The following PPM1L variants were observed in gnomAD, a reference collection of about 807,000 sequenced individuals.
The protein encoded by PPM1L is protein phosphatase 1L.
A neutral mutation model predicts 31.4 loss-of-function variants in PPM1L; 13 were observed. That is an observed-to-expected ratio of 0.41 (90% CI 0.27 to 0.66). PPM1L has a LOEUF of 0.66. Among genes scored for constraint, PPM1L ranks in the 30% least tolerant of loss-of-function variants. The probability of loss-of-function intolerance (pLI) is 0.29; values close to 1 mark genes in which losing one functional copy is unlikely to be tolerated. For synonymous variants in PPM1L, 184 were observed against 175.4 expected (o/e 1.05, Z -0.39); for missense variants, 326 against 453.7 (o/e 0.72, Z 2.56).
chr3:160,800,719 T>C (rs1712399131), intron 1 of PPM1L, among the ~76,000 whole-genome samples: 5 of 152,210 alleles, frequency 3.3e-5, no homozygotes, highest in Admixed American at 3.3e-4. Context: ...AGATGCTGTT[T>C]TATTTCTGCT....
intron 1 of PPM1L, among the ~76,000 whole-genome samples, chr3:160,901,152 G>A (rs995062018): frequency 6.6e-6 from 1 of 151,818 alleles, no homozygotes; most frequent in Non-Finnish European, 1.5e-5. Context: ...GCATGTCATC[G>A]GTATAAATCC....
rs138374106 is a variant in PPM1L, at chr3:161,078,370, T to C, written c.*9213T>C. 53 of 152,370 alleles carry C rather than the reference T, an allele frequency of 3.5e-4. No homozygotes were observed. The East Asian group carries it at 0.01, about 29-fold the overall frequency. The allele number at this position is 152,370 out of a possible 1,614,324, so 9.4% of individuals were successfully genotyped here. A position where few individuals can be genotyped will look rare whatever the true frequency, so the allele number is the denominator to read the frequency against. On this transcript the variant is annotated 3_prime_UTR_variant, in exon 4 of 4. Transcript: ENST00000498165. ...TCATGAAAATTTTTCCATCAGCATT[T>C]TCTTGCAACTTTAAAAATCACAAGG...
At position 161,070,729 on chromosome 3, in the gene PPM1L, A is replaced by G. The variant is rs376605116; in HGVS notation, c.*1572A>G. On this transcript the variant is annotated 3_prime_UTR_variant, in exon 4 of 4. Coordinates refer to ENST00000498165, the MANE Select transcript of PPM1L (RefSeq NM_139245.4). ...TTGTGGTTATAGCTTCCCATATGCC[A>G]CATTCACCGGCCACCTCCTCGCCGT... is the stretch of plus-strand genomic sequence containing the variant. 314 of 152,334 alleles carry G rather than the reference A, an allele frequency of 2.1e-3. 1 individual carries two copies. Among genetic ancestry groups the G allele is most frequent in the Non-Finnish European group, 3.9e-3 (267 of 68,108 alleles). The allele number at this position is 152,334 out of a possible 1,614,324, so 9.4% of individuals were successfully genotyped here. A position where few individuals can be genotyped will look rare whatever the true frequency, so the allele number is the denominator to read the frequency against.
Position 160,756,884 on chromosome 3 carries a change from T to C in PPM1L, c.399+177T>C, listed in dbSNP as rs1714824205. On this transcript the variant is annotated intron_variant, in intron 1 of 3. Transcript: ENST00000498165. This position sits in a 1 kb window ranked among gnomAD's most constrained non-coding sequence, Gnocchi z 6.2. ...CGGTGCCTGGCTGGACAAATGCGGCTCAAGTTGCCAAAAGCACTGCTGGAT... is the reference window on the plus strand; with the variant it reads ...CGGTGCCTGGCTGGACAAATGCGGCCCAAGTTGCCAAAAGCACTGCTGGAT... Among the ~76,000 whole-genome samples, 2 of 151,844 alleles carry C rather than the reference T, an allele frequency of 1.3e-5. No homozygotes were observed. The highest frequency in any genetic ancestry group is 2.1e-4 in the South Asian group (1 of 4,814).
intron 2 of PPM1L, among the ~76,000 whole-genome samples, chr3:161,021,853 A>T (rs1024172882): frequency 4.0e-5 from 6 of 151,830 alleles, no homozygotes; most frequent in Admixed American, 6.6e-5. Context: ...GGTTTTTTTT[A>T]TAGCATACTT....
chr3:160,921,789 T>C (rs1714414326), intron 1 of PPM1L, among the ~76,000 whole-genome samples: 1 of 152,204 alleles, frequency 6.6e-6, no homozygotes, highest in East Asian at 1.9e-4. Context: ...TTTCTAAACT[T>C]CTGAGGTATA....
intron 2 of PPM1L, among the ~76,000 whole-genome samples, chr3:161,034,671 A>G (rs553050658): frequency 2.8e-4 from 42 of 151,606 alleles, no homozygotes; most frequent in South Asian, 2.5e-3. Flanking sequence ...AGAGGGGACC[A>G]TCACACACTG....
intron 1 of PPM1L, among the ~76,000 whole-genome samples, chr3:160,850,290 T>G (rs1711500409): frequency 6.6e-6 from 1 of 152,180 alleles, no homozygotes; most frequent in Non-Finnish European, 1.5e-5. Flanking sequence ...ATTTGGACAG[T>G]GGGTTGTTGT....
intron 1 of PPM1L, among the ~76,000 whole-genome samples, chr3:160,836,339 AGAGAAAG>A (rs1713715145): frequency 6.6e-6 from 1 of 152,070 alleles, no homozygotes; most frequent in African/African-American, 2.4e-5. Flanking sequence ...AGAGAGAGAG[AGAGAAAG>A]AGAGAGAGAG....
chr3:160,892,338 A>G (rs1713181787), intron 1 of PPM1L, among the ~76,000 whole-genome samples: 1 of 152,034 alleles, frequency 6.6e-6, no homozygotes, highest in South Asian at 2.1e-4. Flanking sequence ...GCTGGGGGAG[A>G]TACCACACAT....
intron 2 of PPM1L, among the ~76,000 whole-genome samples, chr3:161,006,427 T>A (rs1325495186): frequency 2.0e-5 from 3 of 152,168 alleles, no homozygotes; most frequent in African/African-American, 7.2e-5. Context: ...TAAAGATCTG[T>A]TATACAACCA....
chr3:160,895,779 T>C (rs980627807), intron 1 of PPM1L, among the ~76,000 whole-genome samples: 1 of 152,214 alleles, frequency 6.6e-6, no homozygotes, highest in South Asian at 2.1e-4. Flanking sequence ...AAATGTTTTA[T>C]AAATTGAAAA....
At chr3:161,012,479 C>CT (rs1297409206) in intron 2 of PPM1L, among the ~76,000 whole-genome samples, 1 of 151,780 alleles carries the variant, frequency 6.6e-6, no homozygotes, top group African/African-American at 2.4e-5. Context: ...CTAAAATTCT[C>CT]TTTTTTGGTT....
chr3:160,927,801 T>C (rs1464158811), intron 1 of PPM1L, among the ~76,000 whole-genome samples: 1 of 152,160 alleles, frequency 6.6e-6, no homozygotes, highest in East Asian at 1.9e-4. Flanking sequence ...GGTCAGGCAG[T>C]TGCTATGTGG....
At chr3:160,778,993 T>C (rs1315097383) in intron 1 of PPM1L, among the ~76,000 whole-genome samples, 1 of 152,172 alleles carries the variant, frequency 6.6e-6, no homozygotes, top group African/African-American at 2.4e-5. Context: ...GTCTGTTTAC[T>C]GTAGGTTTTC....
In PPM1L at chr3:161,068,857, G is replaced by A. The variant is rs757148742; in HGVS notation, c.783G>A (p.Leu261=). ...GCTCCTGGAGGGTCCAGGGAATCCT[G>A]GCCATGTCTCGGTCCCTGGGGGATT... is the stretch of plus-strand genomic sequence containing the variant. ...FNGSWRVQGI[L]AMSRSLGDYP... Residue 261 remains leucine (L), a synonymous_variant, in exon 4 of 4, where the codon CTG becomes CTA. Transcript: ENST00000498165. 2 of 1,613,950 alleles carry A rather than the reference G, an allele frequency of 1.2e-6. No homozygotes were observed. The highest frequency in any genetic ancestry group is 2.7e-5 in the African/African-American group (2 of 74,900).
In PPM1L at chr3:161,000,420, C is replaced by G. The variant is rs142018066; in HGVS notation, c.574+38510C>G. Among the ~76,000 whole-genome samples the G allele has an allele frequency of 3.7e-4, 57 of 152,092 alleles. No homozygotes were observed. The East Asian group carries it at 0.01, about 27-fold the overall frequency. On this transcript the variant is annotated intron_variant, in intron 2 of 3. Transcript: ENST00000498165. The stretch of plus-strand genomic sequence containing the variant: ...AGAGAAGCATTCAGTGAGGAAGAAG[C>G]AATTCAAGAGCATGCATATATAAGA...
chr3:161,058,007 G>A (rs991668048), intron 2 of PPM1L, among the ~76,000 whole-genome samples: 3 of 151,622 alleles, frequency 2.0e-5, no homozygotes, highest in African/African-American at 7.3e-5. Context: ...AAAGGGGCCT[G>A]GAGGTTAATT....
intron 1 of PPM1L, among the ~76,000 whole-genome samples, chr3:160,769,936 A>C (rs1389896871): frequency 2.0e-5 from 3 of 152,188 alleles, no homozygotes; most frequent in African/African-American, 7.2e-5. Flanking sequence ...AGTGTAAAAG[A>C]CTTTTCGGTA....
Sources: gnomAD v4.1 joint callset for allele counts (sites outside exome capture counted in the v4.1 genomes callset) on GRCh38, gnomAD v4.1.1 for gene constraint, Gnocchi (gnomAD v3.1) non-coding constraint, MANE v1.5 for transcripts, NCBI Gene and HGNC (gene_info 2026-07-23, HGNC 2026-07-21) for gene names.